Variants in C1orf141 observed in about 807,000 individuals in gnomAD.
C1orf141 encodes chromosome 1 open reading frame 141.
In C1orf141, 19 loss-of-function variants were observed where a neutral mutation model predicts 23.2. The observed-to-expected ratio is 0.82, with a 90% CI of 0.57 to 1.20. C1orf141 has a LOEUF of 1.20. Among genes scored for constraint, C1orf141 ranks in the 50% most tolerant of loss-of-function variants. The probability of loss-of-function intolerance (pLI) is 0.00; values close to 1 mark genes in which losing one functional copy is unlikely to be tolerated. For missense variants in C1orf141, 469 were observed against 455.1 expected, an observed-to-expected ratio of 1.03 and a Z score of -0.28; for synonymous variants, 153 against 154.6, an observed-to-expected ratio of 0.99 and a Z score of 0.08.
intron 4 of C1orf141, chr1:67,122,333 G>C (rs1425087076): frequency 2.0e-5 from 3 of 151,978 alleles, no homozygotes; most frequent in Non-Finnish European, 2.9e-5. Flanking sequence ...CACCATGGCT[G>C]GGCTGCTTTA....
intron 5 of C1orf141, chr1:67,113,833 C>G (rs1419074342): frequency 1.9e-6 from 1 of 526,064 alleles, no homozygotes; most frequent in Non-Finnish European, 3.3e-6. Context: ...AGTAACAGCC[C>G]TCCTGCTGAA....
intron 5 of C1orf141, among the ~76,000 whole-genome samples, chr1:67,107,753 G>T (rs111878190): frequency 0.095 from 14,517 of 152,208 alleles, 748 homozygotes; most frequent in South Asian, 0.12. Context: ...AGCCGGGCGT[G>T]GTGGCGCATG....
chr1:67,120,291 C>A lies in C1orf141; in HGVS notation c.234-4827G>T, dbSNP rs537054604. 3.9e-5 allele frequency among the ~76,000 whole-genome samples: 6 copies of A among 152,296 alleles called. No homozygotes were observed. In the South Asian group the frequency reaches 6.2e-4, roughly 16 times the overall value. ...GTTCACAACTGGAGAGAAATTTTGT[C>A]TCAGGGTACTCTTACCTCAAGTTTC... On this transcript the variant is annotated intron_variant, in intron 4 of 7. Coordinates refer to ENST00000684719, the MANE Select transcript of C1orf141 (RefSeq NM_001276351.2).
chr1:67,137,244 T>C (rs1264901072), upstream of C1orf141, among the ~76,000 whole-genome samples: 1 of 152,146 alleles, frequency 6.6e-6, no homozygotes, highest in Non-Finnish European at 1.5e-5. Flanking sequence ...CTATTGTATT[T>C]AGGGTTATAG....
chr1:67,122,701 T>C (rs1646323312), intron 4 of C1orf141: 1 of 152,224 alleles, frequency 6.6e-6, no homozygotes, highest in Admixed American at 6.5e-5. Context: ...CATCCATTAT[T>C]ACACCCATGT....
At chr1:67,136,881 T>A (rs1170763504), upstream of C1orf141, among the ~76,000 whole-genome samples, 1 of 152,188 alleles carries the variant, frequency 6.6e-6, no homozygotes, top group East Asian at 1.9e-4. Context: ...AAAAAAGAAT[T>A]CAAGTGGATT....
At chr1:67,093,846 T>A in intron 7 of C1orf141, 2 of 260,200 alleles carry the variant, frequency 7.7e-6, no homozygotes, top group Non-Finnish European at 1.4e-5. Context: ...TGGCCTTAAA[T>A]GTTTTTTGAA....
At chr1:67,118,113 A>G (rs1239074176) in intron 4 of C1orf141, among the ~76,000 whole-genome samples, 2 of 152,172 alleles carry the variant, frequency 1.3e-5, no homozygotes, top group African/African-American at 2.4e-5. Flanking sequence ...GTTGGATTTC[A>G]TTTTGTTAAA....
chr1:67,097,836 T>C (rs1020642438), intron 5 of C1orf141, among the ~76,000 whole-genome samples: 8 of 152,164 alleles, frequency 5.3e-5, no homozygotes, highest in African/African-American at 1.9e-4. Context: ...GGGAAATCGT[T>C]GGCTTCAGTT....
Position 67,093,449 on chromosome 1 carries a change from G to T in C1orf141, c.759C>A (p.Ile253=). The change falls in exon 8 of 8, where the codon ATC becomes ATA. Residue 253 remains isoleucine (I), a synonymous_variant. Coordinates refer to ENST00000684719, the MANE Select transcript of C1orf141 (RefSeq NM_001276351.2). ...ATTGATTGCCAATTATAGATTTGAG[G>T]ATTTCACAATTTCTTTCTAAAATGA... ...TNFILERNCE[I]LKSIIGNQSI... 1 of 1,610,828 alleles carries T rather than the reference G, an allele frequency of 6.2e-7. No homozygotes were observed. The highest frequency in any genetic ancestry group is 8.5e-7 in the Non-Finnish European group (1 of 1,177,730).
Position 67,096,299 on chromosome 1 carries a change from C to G in C1orf141, c.369G>C (p.Arg123Ser). Reference sequence around the variant, plus strand: ...AGAGACCAACAGAATCCAATGGTTTCCTAGGTTTTTTTTCAATTTGAGCTG... The same window carrying G: ...AGAGACCAACAGAATCCAATGGTTTGCTAGGTTTTTTTTCAATTTGAGCTG... ...ESTAQIEKKP[R>S]KPLDSVGLLE... The change falls in exon 6 of 8, where the codon AGG becomes AGC. Residue 123 changes from arginine (R) to serine (S), a missense_variant. By Grantham distance (110) the Arg-to-Ser change is moderately radical. Transcript: ENST00000684719. 1.3e-6 allele frequency: 2 copies of G among 1,533,104 alleles called. No individual in the cohort carries two copies. The highest frequency in any genetic ancestry group is 1.8e-6 in the Non-Finnish European group (2 of 1,129,224). The allele number at this position is 1,533,104 out of a possible 1,614,324, so 95.0% of individuals were successfully genotyped here.
chr1:67,109,775 G>A (rs1268995609), intron 5 of C1orf141, among the ~76,000 whole-genome samples: 3 of 152,014 alleles, frequency 2.0e-5, no homozygotes, highest in Non-Finnish European at 2.9e-5. Flanking sequence ...AGGCACATAT[G>A]CAATTACATG....
chr1:67,131,616 T>G (rs142690769), intron 1 of C1orf141, among the ~76,000 whole-genome samples: 1 of 152,148 alleles, frequency 6.6e-6, no homozygotes, highest in East Asian at 1.9e-4. Context: ...TTATTCCTCC[T>G]TCCCCTTTCT....
Position 67,095,428 on chromosome 1 carries a change from A to C in C1orf141, c.417-7T>G, listed in dbSNP as rs1570672960. ...CATCTGTGGAGATTTTTTTCTGAAA[A>C]TAAACACAGTTCAGGGTAGTGTTCA... is the stretch of plus-strand genomic sequence containing the variant. On this transcript the variant is annotated splice_polypyrimidine_tract_variant and splice_region_variant and intron_variant, in intron 6 of 7. Transcript: ENST00000684719. 2 of 1,487,114 alleles carry C rather than the reference A, an allele frequency of 1.3e-6. No homozygotes were observed. The highest frequency in any genetic ancestry group is 1.9e-4 in the Middle Eastern group (1 of 5,224). The allele number at this position is 1,487,114 out of a possible 1,614,324, so 92.1% of individuals were successfully genotyped here.
chr1:67,096,326 A>G lies in C1orf141; in HGVS notation c.347-5T>C. ...TAGGTTTTTTTTCAATTTGAGCTGAAATTTTAAAAGATTTTCATAAAAGAC... is the reference window on the plus strand; with the variant it reads ...TAGGTTTTTTTTCAATTTGAGCTGAGATTTTAAAAGATTTTCATAAAAGAC... On this transcript the variant is annotated splice_polypyrimidine_tract_variant and splice_region_variant and intron_variant, in intron 5 of 7. Coordinates refer to ENST00000684719, the MANE Select transcript of C1orf141 (RefSeq NM_001276351.2). 1 of 1,464,490 alleles carries G rather than the reference A, an allele frequency of 6.8e-7. No individual in the cohort carries two copies. The highest frequency in any genetic ancestry group is 9.4e-7 in the Non-Finnish European group (1 of 1,066,192). 90.7% of individuals were successfully genotyped at this position (1,464,490 alleles called of 1,614,324 possible).
intron 1 of C1orf141, among the ~76,000 whole-genome samples, chr1:67,140,218 G>A (rs958299749): frequency 2.6e-5 from 4 of 152,056 alleles, no homozygotes; most frequent in African/African-American, 9.7e-5. Context: ...TACTATGCAT[G>A]CAAAAGCAAA....
intron 5 of C1orf141, among the ~76,000 whole-genome samples, chr1:67,106,374 C>T (rs1388169012): frequency 6.6e-6 from 1 of 152,096 alleles, no homozygotes; most frequent in South Asian, 2.1e-4. Context: ...GGGTCAGGCA[C>T]GGCAGCTCAT....
At chr1:67,140,260 T>C (rs1263041566) in intron 1 of C1orf141, among the ~76,000 whole-genome samples, 1 of 152,252 alleles carries the variant, frequency 6.6e-6, no homozygotes, top group South Asian at 2.1e-4. Flanking sequence ...TAGATCTGAT[T>C]TCATAAATAT....
chr1:67,099,946 C>A (rs557346131), intron 5 of C1orf141, among the ~76,000 whole-genome samples: 5 of 152,172 alleles, frequency 3.3e-5, no homozygotes, highest in African/African-American at 1.2e-4. Flanking sequence ...AAGCTTTTTG[C>A]AGTTATTTTA....
Sources: gnomAD v4.1 joint callset for allele counts (sites outside exome capture counted in the v4.1 genomes callset) on GRCh38, gnomAD v4.1.1 for gene constraint, MANE v1.5 for transcripts, NCBI Gene and HGNC (gene_info 2026-07-23, HGNC 2026-07-21) for gene names.